The following ST6GALNAC1 variants were observed in gnomAD, a reference collection of about 807,000 sequenced individuals.
ST6GALNAC1 encodes ST6 N-acetylgalactosaminide alpha-2,6-sialyltransferase 1, also known as alpha-N-acetylgalactosaminide alpha-2,6-sialyltransferase 1.
A neutral mutation model predicts 56.8 loss-of-function variants in ST6GALNAC1; 45 were observed. The observed-to-expected ratio is 0.79, with a 90% CI of 0.62 to 1.02. The LOEUF (loss-of-function observed/expected upper bound fraction) is 1.02, where lower values mean the gene tolerates loss of function less well. Among genes scored for constraint, ST6GALNAC1 ranks in the 50% least tolerant of loss-of-function variants. The pLI is 0.00. For missense variants in ST6GALNAC1, 743 were observed against 754.8 expected (o/e 0.98, Z 0.18); for synonymous variants, 295 against 297.8 (o/e 0.99, Z 0.10).
downstream of ST6GALNAC1, among the ~76,000 whole-genome samples, chr17:76,622,256 A>ATATG (rs1383388287): frequency 6.6e-6 from 1 of 150,376 alleles, no homozygotes; most frequent in Admixed American, 6.6e-5. Flanking sequence ...CCTTTACTAT[A>ATATG]TATATATATA....
At chr17:76,634,408 C>T (rs2075947664) in intron 1 of ST6GALNAC1, among the ~76,000 whole-genome samples, 1 of 152,168 alleles carries the variant, frequency 6.6e-6, no homozygotes, top group Admixed American at 6.5e-5. Flanking sequence ...GAGCTCTCTA[C>T]CTTGAACTGC....
intron 1 of ST6GALNAC1, among the ~76,000 whole-genome samples, chr17:76,632,635 G>C (rs1324637206): frequency 6.6e-6 from 1 of 152,090 alleles, no homozygotes; most frequent in African/African-American, 2.4e-5. Flanking sequence ...TAGGGCTGTG[G>C]GTGTTGAGAT....
At chr17:76,631,096 TGC>T (rs1491417115) in intron 1 of ST6GALNAC1, among the ~76,000 whole-genome samples, 2,923 of 125,416 alleles carry the variant, frequency 0.023, 48 homozygotes, top group South Asian at 0.068. Context: ...TGTGTGTGTG[TGC>T]ACGCGTGCGC....
At chr17:76,643,486 G>A in intron 1 of ST6GALNAC1, 22 bp downstream of exon 1, 1 of 1,612,740 alleles carries the variant, frequency 6.2e-7, no homozygotes, top group Non-Finnish European at 8.5e-7. Context: ...AATATGAGGA[G>A]TGGAAAGGAC....
At chr17:76,631,236 G>A (rs1011824410) in intron 1 of ST6GALNAC1, among the ~76,000 whole-genome samples, 5 of 152,182 alleles carry the variant, frequency 3.3e-5, no homozygotes, top group Admixed American at 6.5e-5. Flanking sequence ...GAGCCACCGC[G>A]TCTGGCCTAA....
In ST6GALNAC1 at chr17:76,626,625, G is replaced by A. The variant is rs1489033616; in HGVS notation, c.1311+26C>T. Reference sequence around the variant, plus strand: ...GCTCCCTCATCCAGAGTCTGGGTGTGGCCAGGCTCCTTCCTCTTTGCTCAC... The same window carrying A: ...GCTCCCTCATCCAGAGTCTGGGTGTAGCCAGGCTCCTTCCTCTTTGCTCAC... On this transcript the variant is annotated intron_variant, in intron 5 of 8. Coordinates refer to ENST00000156626, the MANE Select transcript of ST6GALNAC1 (RefSeq NM_018414.5). 3 of 1,613,856 alleles carry A rather than the reference G, an allele frequency of 1.9e-6. No individual in the cohort carries two copies. The South Asian group carries it at 3.3e-5, about 18-fold the overall frequency.
At chr17:76,618,587 G>A in the ST6GALNAC1 span, among the ~76,000 whole-genome samples, 1 of 152,096 alleles carries the variant, frequency 6.6e-6, no homozygotes, top group Middle Eastern at 3.4e-3. Flanking sequence ...AGACCAGCCT[G>A]GGCAACATAG....
At position 76,629,582 on chromosome 17, in the gene ST6GALNAC1, G is replaced by A. The variant is rs1288556781; in HGVS notation, c.261C>T (p.Asn87=). 5 of 1,613,972 alleles carry A rather than the reference G, an allele frequency of 3.1e-6. No individual in the cohort carries two copies. The highest frequency in any genetic ancestry group is 4.2e-6 in the Non-Finnish European group (5 of 1,179,970). Residue 87 remains asparagine, a synonymous_variant, in exon 2 of 9, where the codon AAC becomes AAT. Transcript: ENST00000156626. ...AEPVPENNAL[N]TQTQPKAHTT... ...TGTGGGCCTTGGGCTGGGTTTGTGT[G>A]TTGAGGGCATTGTTCTCTGGCACTG...
At chr17:76,628,545 G>A (rs1363327329) in intron 2 of ST6GALNAC1, among the ~76,000 whole-genome samples, 2 of 152,174 alleles carry the variant, frequency 1.3e-5, no homozygotes, top group Non-Finnish European at 1.5e-5. Flanking sequence ...GGGAGAGAGC[G>A]AAGGCTGTGG....
chr17:76,633,879 T>C (rs2075941668), intron 1 of ST6GALNAC1: 1 of 152,202 alleles, frequency 6.6e-6, no homozygotes, highest in South Asian at 2.1e-4. Flanking sequence ...GAAACACCTA[T>C]TGGCCAGAGA....
At chr17:76,636,756 C>G (rs2075979599) in intron 1 of ST6GALNAC1, among the ~76,000 whole-genome samples, 1 of 152,168 alleles carries the variant, frequency 6.6e-6, no homozygotes, top group Non-Finnish European at 1.5e-5. Flanking sequence ...GGCCGCCACC[C>G]CATCTGGGAG....
In ST6GALNAC1 at chr17:76,627,014, C is replaced by T; in HGVS notation, c.1172+53G>A. Reference sequence around the variant, plus strand: ...GGGCAAGAGAGGGGCTGGAGGGGGGCTGGAGGGGGCAGGAGAGGGGCTGGA... The same window carrying T: ...GGGCAAGAGAGGGGCTGGAGGGGGGTTGGAGGGGGCAGGAGAGGGGCTGGA... On this transcript the variant is annotated intron_variant, in intron 4 of 8. Transcript: ENST00000156626. The surrounding 1 kb of genome is among the most constrained non-coding windows in gnomAD (Gnocchi z 4.4). 7.7e-7 allele frequency: 1 copy of T among 1,292,364 alleles called. No homozygotes were observed. The highest frequency in any genetic ancestry group is 2.0e-5 in the South Asian group (1 of 50,890). The allele number at this position is 1,292,364 out of a possible 1,614,324, so 80.1% of individuals were successfully genotyped here.
At position 76,627,769 on chromosome 17, in the gene ST6GALNAC1, G is replaced by A. The variant is rs1438587002; in HGVS notation, c.832-186C>T. 6.6e-6 allele frequency among the ~76,000 whole-genome samples: 1 copy of A among 152,176 alleles called. No individual in the cohort carries two copies. Among genetic ancestry groups the A allele is most frequent in the Non-Finnish European group, 1.5e-5 (1 of 68,014 alleles). The stretch of plus-strand genomic sequence containing the variant: ...TTGTCTGGGCTCATTGTGGTCCTGA[G>A]GGTTCTGGGAAATGGGTGTTCTCGG... On this transcript the variant is annotated intron_variant, in intron 2 of 8. Transcript: ENST00000156626. This position sits in a 1 kb window ranked among gnomAD's most constrained non-coding sequence, Gnocchi z 4.4.
the ST6GALNAC1 span, among the ~76,000 whole-genome samples, chr17:76,618,780 CAA>C: frequency 7.3e-6 from 1 of 137,546 alleles, no homozygotes. Flanking sequence ...GACTCCATAT[CAA>C]AAAAAAAAAA....
chr17:76,625,858 C>T lies in ST6GALNAC1; in HGVS notation c.1566G>A (p.Gly522=), dbSNP rs116419615. The T allele has an allele frequency of 3.1e-4, 478 of 1,546,120 alleles. 4 individuals carry two copies. The African/African-American group carries it at 6.1e-3, about 20-fold the overall frequency. ...AHWRIYRPTT[G]ALLLLTALQL... is the part of the protein sequence containing the mutation. ...GAAGGGCAGTGAGCAGCAGGAGGGC[C>T]CCAGTGGTGGGGCGGTATATCCTCC... The change falls in exon 8 of 9, where the codon GGG becomes GGA. Residue 522 remains glycine, a synonymous_variant. Coordinates refer to ENST00000156626, the MANE Select transcript of ST6GALNAC1 (RefSeq NM_018414.5).
intron 1 of ST6GALNAC1, among the ~76,000 whole-genome samples, chr17:76,643,168 G>A (rs987498290): frequency 6.6e-6 from 1 of 152,152 alleles, no homozygotes; most frequent in Admixed American, 6.5e-5. Context: ...AACTAACCCA[G>A]TGCTGCTGCC....
intron 6 of ST6GALNAC1, 35 bp downstream of exon 6, chr17:76,626,254 C>T: frequency 6.2e-7 from 1 of 1,607,448 alleles, no homozygotes; most frequent in Non-Finnish European, 8.5e-7. Context: ...ATGGCTCAGC[C>T]TGGGATAAGG....
chr17:76,619,797 T>A (rs1443835224), downstream of ST6GALNAC1, among the ~76,000 whole-genome samples: 1 of 139,792 alleles, frequency 7.2e-6, no homozygotes, highest in Admixed American at 8.1e-5. Flanking sequence ...CAGGCTGGAG[T>A]GCAATGGCGC....
At chr17:76,630,936 C>T (rs920610336) in intron 1 of ST6GALNAC1, among the ~76,000 whole-genome samples, 1 of 149,634 alleles carries the variant, frequency 6.7e-6, no homozygotes, top group African/African-American at 2.5e-5. Flanking sequence ...GCTCTGTCGC[C>T]CAGGTTGGAG....
Sources: allele counts gnomAD v4.1 joint callset (sites outside exome capture counted in the v4.1 genomes callset), GRCh38; gene constraint gnomAD v4.1.1; non-coding constraint Gnocchi (gnomAD v3.1); transcripts MANE v1.5; gene names NCBI Gene and HGNC (gene_info 2026-07-23, HGNC 2026-07-21).